The following CBLL1 variants were observed in gnomAD, a reference collection of about 807,000 sequenced individuals.
CBLL1 encodes E3 ubiquitin-protein ligase Hakai.
CBLL1 carries 4 observed loss-of-function variants against 44.9 expected under a neutral mutation model. The observed-to-expected ratio is 0.09, with a 90% confidence interval of 0.04 to 0.20. CBLL1 has a LOEUF of 0.20. CBLL1 is among the 10% of genes least tolerant of loss of function. CBLL1 has a pLI of 1.00. For synonymous variants in CBLL1, 235 were observed against 202.2 expected (o/e 1.16, Z -1.38); for missense variants, 569 against 636.7 (o/e 0.89, Z 1.14).
At chr7:107,744,295 G>A in intron 1 of CBLL1, 119 bp downstream of exon 1, 2 of 1,244,870 alleles carry the variant, frequency 1.6e-6, no homozygotes, top group African/African-American at 1.6e-5. Context: ...GTGGCAGTGA[G>A]AAGAAATCTC....
At chr7:107,757,803 GT>G (rs1178948988) in intron 5 of CBLL1, among the ~76,000 whole-genome samples, 1 of 152,196 alleles carries the variant, frequency 6.6e-6, no homozygotes, top group East Asian at 1.9e-4. Flanking sequence ...CTACCCGTTG[GT>G]TTTTTTCTTG....
chr7:107,755,270 G>T, intron 4 of CBLL1, 148 bp from the exon 5 acceptor site: 1 of 322,034 alleles, frequency 3.1e-6, no homozygotes. Context: ...GATTGAAAAA[G>T]GTTATTATAA....
intron 2 of CBLL1, among the ~76,000 whole-genome samples, chr7:107,750,130 G>T (rs1042522979): frequency 6.6e-6 from 1 of 151,642 alleles, no homozygotes; most frequent in East Asian, 1.9e-4. Flanking sequence ...TTTAATTTTT[G>T]TAGTCATGGG....
chr7:107,746,669 C>G (rs1793035897), intron 1 of CBLL1, among the ~76,000 whole-genome samples: 1 of 152,108 alleles, frequency 6.6e-6, no homozygotes, highest in Non-Finnish European at 1.5e-5. Context: ...TTAAGAGGTC[C>G]TTGGGGAAAC....
chr7:107,755,404 G>A lies in CBLL1; in HGVS notation c.367-14G>A, dbSNP rs775241608. 6.0e-6 allele frequency: 9 copies of A among 1,510,992 alleles called. No individual in the cohort carries two copies. Among genetic ancestry groups the A allele is most frequent in the South Asian group, 1.3e-5 (1 of 78,608 alleles). 93.6% of individuals were successfully genotyped at this position (1,510,992 alleles called of 1,614,324 possible). A position where few individuals can be genotyped will look rare whatever the true frequency, so the allele number is the denominator to read the frequency against. ...GTTCTAATATGCTTAACTGTAATAT[G>A]TCTTTGTTTACAGATTCCATGCAAG... On this transcript the variant is annotated splice_polypyrimidine_tract_variant and intron_variant, in intron 4 of 5. Transcript: ENST00000440859.
chr7:107,758,749 A>G lies in CBLL1; in HGVS notation c.1047A>G (p.Pro349=). 3 of 1,612,680 alleles carry G rather than the reference A, an allele frequency of 1.9e-6. No homozygotes were observed. The highest frequency in any genetic ancestry group is 3.3e-5 in the Admixed American group (2 of 59,872). The part of the protein sequence containing the change: ...QHYAPPPPPP[P]PISHPMPHPP... ...ATGCACCACCCCCACCTCCTCCACCACCAATAAGCCATCCAATGCCACATC... is the reference window on the plus strand; with the variant it reads ...ATGCACCACCCCCACCTCCTCCACCGCCAATAAGCCATCCAATGCCACATC... Residue 349 remains proline, a synonymous_variant, in exon 6 of 6, where the codon CCA becomes CCG. Coordinates refer to ENST00000440859, the MANE Select transcript of CBLL1 (RefSeq NM_024814.4). The surrounding 1 kb of genome is among the most constrained non-coding windows in gnomAD (Gnocchi z 4.2).
chr7:107,749,808 T>C (rs1424956721), intron 2 of CBLL1, among the ~76,000 whole-genome samples: 1 of 152,182 alleles, frequency 6.6e-6, no homozygotes, highest in Non-Finnish European at 1.5e-5. Flanking sequence ...TGTAAATTTA[T>C]TTTAATTATG....
In CBLL1 at chr7:107,760,561, C is replaced by T. The variant is rs1388663861; in HGVS notation, c.*1383C>T. The stretch of plus-strand genomic sequence containing the variant: ...TGACCACTTAACAGTTTATACAGAA[C>T]TCATATGTATAAATCAACATTCTTA... On this transcript the variant is annotated 3_prime_UTR_variant, in exon 6 of 6. Transcript: ENST00000440859. The T allele has an allele frequency of 6.6e-6, 1 of 152,174 alleles. No individual in the cohort carries two copies. The highest frequency in any genetic ancestry group is 1.5e-5 in the Non-Finnish European group (1 of 67,936). The allele number at this position is 152,174 out of a possible 1,614,324, so 9.4% of individuals were successfully genotyped here.
intron 5 of CBLL1, among the ~76,000 whole-genome samples, chr7:107,756,660 TTCCTC>T (rs1793542262): frequency 1.3e-5 from 2 of 152,152 alleles, no homozygotes; most frequent in South Asian, 4.1e-4. Context: ...TTTTAAAGGT[TTCCTC>T]TTTTGTATAA....
chr7:107,745,942 G>C (rs924586147), intron 1 of CBLL1, among the ~76,000 whole-genome samples: 1 of 141,792 alleles, frequency 7.1e-6, no homozygotes, highest in Admixed American at 7.3e-5. Flanking sequence ...GAGATGAGAG[G>C]AAAGATCTGC....
At chr7:107,756,704 T>C (rs1376190648) in intron 5 of CBLL1, among the ~76,000 whole-genome samples, 2 of 152,172 alleles carry the variant, frequency 1.3e-5, no homozygotes, top group Non-Finnish European at 1.5e-5. Context: ...AAGGTACTTA[T>C]TGTTTAAAGA....
Position 107,748,798 on chromosome 7 carries a change from G to A in CBLL1, c.14-82G>A, listed in dbSNP as rs1457848645. ...AGATCTTTAACCTTGATAATGTTAG[G>A]TATGGTGTTTTAATACCTGTGGCAG... is the stretch of plus-strand genomic sequence containing the variant. On this transcript the variant is annotated intron_variant, in intron 1 of 5. Transcript: ENST00000440859. 24 of 1,129,062 alleles carry A rather than the reference G, an allele frequency of 2.1e-5. No homozygotes were observed. In the South Asian group the frequency reaches 3.9e-4, roughly 18 times the overall value. 69.9% of individuals were successfully genotyped at this position (1,129,062 alleles called of 1,614,324 possible).
chr7:107,760,984 A>G lies in CBLL1; in HGVS notation c.*1806A>G, dbSNP rs12705421. ...GTTAATGCAATATTTCTAGTGAGAA[A>G]TGCTTGTTATTAAAAGCATGGGAGT... is the stretch of plus-strand genomic sequence containing the variant. On this transcript the variant is annotated 3_prime_UTR_variant, in exon 6 of 6. Transcript: ENST00000440859. The G allele has an allele frequency of 0.23, 35,232 of 152,180 alleles. 4,748 individuals are homozygous for G. The highest frequency in any genetic ancestry group is 0.44 in the South Asian group (2,138 of 4,816). The allele number at this position is 152,180 out of a possible 1,614,324, so 9.4% of individuals were successfully genotyped here. A position where few individuals can be genotyped will look rare whatever the true frequency, so the allele number is the denominator to read the frequency against.
At chr7:107,754,157 T>TG (rs1793430019) in intron 4 of CBLL1, 179 bp downstream of exon 4, 1 of 368,108 alleles carries the variant, frequency 2.7e-6, no homozygotes, top group African/African-American at 2.1e-5. Flanking sequence ...GACAAATTGT[T>TG]GAATTCTTAT....
At chr7:107,755,644 G>GT in intron 5 of CBLL1, 153 bp downstream of exon 5, 1 of 408,426 alleles carries the variant, frequency 2.4e-6, no homozygotes, top group Non-Finnish European at 4.4e-6. Context: ...GCTTGTGTTA[G>GT]GTTTCTCTTT....
intron 2 of CBLL1, among the ~76,000 whole-genome samples, chr7:107,753,115 A>T (rs1194761240): frequency 1.3e-5 from 2 of 152,216 alleles, no homozygotes; most frequent in Admixed American, 1.3e-4. Flanking sequence ...GAGCATTTGA[A>T]TGGGAGTCAA....
At chr7:107,746,139 A>G (rs1013087960) in intron 1 of CBLL1, among the ~76,000 whole-genome samples, 2 of 152,214 alleles carry the variant, frequency 1.3e-5, no homozygotes, top group African/African-American at 4.8e-5. Flanking sequence ...AGAATAGCAA[A>G]CATTCAACTT....
At position 107,759,235 on chromosome 7, in the gene CBLL1, T is replaced by C; in HGVS notation, c.*57T>C. 1.4e-6 allele frequency: 2 copies of C among 1,436,842 alleles called. No individual in the cohort carries two copies. Among genetic ancestry groups the C allele is most frequent in the Non-Finnish European group, 1.9e-6 (2 of 1,064,438 alleles). The allele number at this position is 1,436,842 out of a possible 1,614,324, so 89.0% of individuals were successfully genotyped here. A position where few individuals can be genotyped will look rare whatever the true frequency, so the allele number is the denominator to read the frequency against. On this transcript the variant is annotated 3_prime_UTR_variant, in exon 6 of 6. Coordinates refer to ENST00000440859, the MANE Select transcript of CBLL1 (RefSeq NM_024814.4). ...GAAAAAAACTTATGTGTAGTCAATC[T>C]TTTAAGCTTTGACTGTTTTGGGAAG...
intron 2 of CBLL1, chr7:107,749,414 T>G (rs1376010467): frequency 6.5e-6 from 1 of 154,974 alleles, no homozygotes; most frequent in Admixed American, 6.5e-5. Flanking sequence ...CATTTGAGAT[T>G]TTTTTCTTAT....
Sources: allele counts gnomAD v4.1 joint callset (sites outside exome capture counted in the v4.1 genomes callset), GRCh38; gene constraint gnomAD v4.1.1; non-coding constraint Gnocchi (gnomAD v3.1); transcripts MANE v1.5; gene names NCBI Gene and HGNC (gene_info 2026-07-23, HGNC 2026-07-21).